ERG: variants seen among roughly 807,000 people sequenced by gnomAD.
ERG encodes ETS transcription factor ERG.
A neutral mutation model predicts 55.3 loss-of-function variants in ERG; 9 were observed. The ratio of observed to expected loss-of-function variants is 0.16; its 90% CI spans 0.10 to 0.28. The LOEUF is 0.28. ERG is among the 10% of genes least tolerant of loss of function. The pLI, the probability that ERG is intolerant of heterozygous loss-of-function variation, is 1.00. For missense variants in ERG, 434 were observed against 631.6 expected (o/e 0.69, Z 3.35); for synonymous variants, 223 against 237.3 (o/e 0.94, Z 0.55).
chr21:38,442,871 G>A (rs898288969), intron 2 of ERG, among the ~76,000 whole-genome samples: 2 of 151,986 alleles, frequency 1.3e-5, no homozygotes, highest in Admixed American at 6.6e-5. Flanking sequence ...GCAGTGGCGC[G>A]ATCTCGGCTC....
intron 1 of ERG, among the ~76,000 whole-genome samples, chr21:38,583,266 G>C (rs1425513600): frequency 6.6e-6 from 1 of 152,200 alleles, no homozygotes; most frequent in African/African-American, 2.4e-5. Flanking sequence ...CCTCCCTTAT[G>C]GGGCAGGAAG....
intron 1 of ERG, among the ~76,000 whole-genome samples, chr21:38,481,450 A>G (rs1449256807): frequency 6.6e-6 from 1 of 152,242 alleles, no homozygotes; most frequent in Non-Finnish European, 1.5e-5. Context: ...ATGAAAGATT[A>G]CATTTTCATT....
At chr21:38,498,603 T>C, upstream of ERG, 9 of 920,664 alleles carry the variant, frequency 9.8e-6, no homozygotes, top group East Asian at 3.4e-5. This position sits in a 1 kb window ranked among gnomAD's most constrained non-coding sequence, Gnocchi z 4.6. Flanking sequence ...CTGAAAACAA[T>C]GTTGTTTTTC....
chr21:38,520,411 G>C, intron 2 of ERG, among the ~76,000 whole-genome samples: 1 of 152,172 alleles, frequency 6.6e-6, no homozygotes, highest in East Asian at 1.9e-4. Context: ...CACAAGTTCA[G>C]GGGCATCCGA....
intron 2 of ERG, among the ~76,000 whole-genome samples, chr21:38,555,557 T>C (rs2146825626): frequency 6.6e-6 from 1 of 152,222 alleles, no homozygotes; most frequent in South Asian, 2.1e-4. Flanking sequence ...TTAACATAAT[T>C]TTCTTTGTTC....
intron 2 of ERG, among the ~76,000 whole-genome samples, chr21:38,571,711 T>C (rs1485408529): frequency 6.6e-6 from 1 of 152,166 alleles, no homozygotes; most frequent in Non-Finnish European, 1.5e-5. Flanking sequence ...ATCAAGAATA[T>C]TTTATATTCC....
intron 2 of ERG, among the ~76,000 whole-genome samples, chr21:38,535,062 G>C (rs945691122): frequency 6.6e-6 from 1 of 151,992 alleles, no homozygotes; most frequent in African/African-American, 2.4e-5. Context: ...CCATCACCTA[G>C]GTATTAAGCC....
In ERG at chr21:38,518,012, T is replaced by C. The variant is rs1457552250; in HGVS notation, c.-41+57650A>G. 2.0e-5 allele frequency among the ~76,000 whole-genome samples: 3 copies of C among 152,040 alleles called. No individual in the cohort carries two copies. In the South Asian group the frequency reaches 6.2e-4, roughly 32 times the overall value. ...TAATGGGTACAAACATACAGTTAGATAGAAGGAATAAGTTCTGATGTTGTA... is the reference window on the plus strand; with the variant it reads ...TAATGGGTACAAACATACAGTTAGACAGAAGGAATAAGTTCTGATGTTGTA... On this transcript the variant is annotated intron_variant, in intron 2 of 8. Coordinates refer to the ERG transcript ENST00000398897.
At chr21:38,369,573 TTGTC>T in the ERG span, among the ~76,000 whole-genome samples, 2 of 152,204 alleles carry the variant, frequency 1.3e-5, no homozygotes, top group African/African-American at 4.8e-5. Context: ...ATTCTGTAGA[TTGTC>T]TGTTTACTCT....
intron 2 of ERG, among the ~76,000 whole-genome samples, chr21:38,530,651 G>A (rs1168394873): frequency 6.6e-6 from 1 of 152,138 alleles, no homozygotes; most frequent in East Asian, 1.9e-4. Context: ...ACATCATTAG[G>A]CGACATCTTC....
At chr21:38,561,737 C>T (rs773682765) in intron 2 of ERG, among the ~76,000 whole-genome samples, 1 of 152,008 alleles carries the variant, frequency 6.6e-6, no homozygotes, top group Non-Finnish European at 1.5e-5. Flanking sequence ...ATTTGAAGGT[C>T]CATATGAATT....
At chr21:38,410,867 A>G (rs1042895932) in intron 3 of ERG, among the ~76,000 whole-genome samples, 8 of 152,252 alleles carry the variant, frequency 5.3e-5, no homozygotes, top group Admixed American at 3.3e-4. Flanking sequence ...CTTAAATAAT[A>G]TCAACGTAAA....
At chr21:38,396,863 A>G (rs2146440919) in intron 6 of ERG, among the ~76,000 whole-genome samples, 1 of 152,346 alleles carries the variant, frequency 6.6e-6, no homozygotes, top group East Asian at 1.9e-4. Context: ...TTCTGGTCGT[A>G]GTAACTGCAA....
chr21:38,533,661 T>C (rs1212970343), intron 2 of ERG, among the ~76,000 whole-genome samples: 1 of 152,244 alleles, frequency 6.6e-6, no homozygotes, highest in Non-Finnish European at 1.5e-5. Context: ...CTGGGGTATA[T>C]CATGTGTTTT....
intron 1 of ERG, among the ~76,000 whole-genome samples, chr21:38,596,125 G>T (rs961841231): frequency 6.6e-6 from 1 of 151,074 alleles, no homozygotes; most frequent in South Asian, 2.1e-4. Flanking sequence ...AGCTCATCAC[G>T]AACCCAGTTA....
chr21:38,546,375 G>T (rs1445903079), intron 2 of ERG, among the ~76,000 whole-genome samples: 2 of 152,024 alleles, frequency 1.3e-5, no homozygotes, highest in African/African-American at 4.8e-5. Context: ...GCTTCCTTCA[G>T]TGCCACTCTA....
rs1045777420 is a variant in ERG, at chr21:38,562,950, G to A, written c.-41+12712C>T. Among the ~76,000 whole-genome samples the A allele has an allele frequency of 5.3e-5, 8 of 152,248 alleles. No homozygotes were observed. In the East Asian group the frequency reaches 1.5e-3, roughly 29 times the overall value. On this transcript the variant is annotated intron_variant, in intron 2 of 8. Transcript: ENST00000398897. ...AGAGTTTTATGGTTTAAAAAGTTAAGAAGAGCTACTAAGCCATGAAAAGAC... is the reference window on the plus strand; with the variant it reads ...AGAGTTTTATGGTTTAAAAAGTTAAAAAGAGCTACTAAGCCATGAAAAGAC...
At chr21:38,471,719 C>A (rs1190039312) in intron 1 of ERG, 4 of 152,158 alleles carry the variant, frequency 2.6e-5, no homozygotes, top group African/African-American at 7.2e-5. Flanking sequence ...TGCACTTGAC[C>A]ATTAAGATCA....
At chr21:38,474,377 T>C (rs900933469) in intron 1 of ERG, among the ~76,000 whole-genome samples, 4 of 152,270 alleles carry the variant, frequency 2.6e-5, no homozygotes, top group Middle Eastern at 3.4e-3. Flanking sequence ...TTGAGTGCCT[T>C]TGTGACACAT....
Sources: allele counts gnomAD v4.1 joint callset (sites outside exome capture counted in the v4.1 genomes callset), GRCh38; gene constraint gnomAD v4.1.1; non-coding constraint Gnocchi (gnomAD v3.1); transcripts MANE v1.5; gene names NCBI Gene and HGNC (gene_info 2026-07-23, HGNC 2026-07-21).